Variants in ERC2 observed in about 807,000 individuals in gnomAD.
The protein encoded by ERC2 is ELKS/RAB6-interacting/CAST family member 2.
A neutral mutation model predicts 114.8 loss-of-function variants in ERC2; 42 were observed. The ratio of observed to expected loss-of-function variants is 0.37; its 90% CI spans 0.29 to 0.47. The LOEUF (loss-of-function observed/expected upper bound fraction) is 0.47. Ranked by LOEUF, ERC2 falls within the 20% of genes least tolerant of loss-of-function variation. ERC2 has a pLI of 0.99. For synonymous variants in ERC2, 454 were observed against 425.5 expected, an observed-to-expected ratio of 1.07 and a Z score of -0.82; for missense variants, 939 against 1,150.7, an observed-to-expected ratio of 0.82 and a Z score of 2.66.
chr3:55,634,762 A>G (rs1337829464), intron 17 of ERC2, among the ~76,000 whole-genome samples: 2 of 152,246 alleles, frequency 1.3e-5, no homozygotes, highest in Non-Finnish European at 2.9e-5. Context: ...CATTAAAAGG[A>G]TAACGCAATC....
intron 14 of ERC2, among the ~76,000 whole-genome samples, chr3:55,761,192 C>T (rs2067407120): frequency 6.6e-6 from 1 of 152,202 alleles, no homozygotes; most frequent in Non-Finnish European, 1.5e-5. Context: ...ATTGTTATTA[C>T]TACTGGAGCT....
At chr3:55,511,570 A>G (rs58409049) in intron 17 of ERC2, among the ~76,000 whole-genome samples, 60,105 of 152,154 alleles carry the variant, frequency 0.4, 15,266 homozygotes, top group African/African-American at 0.72. Flanking sequence ...ATTGAAGGGA[A>G]ATATGCCAAA....
At chr3:55,937,505 T>C (rs1199267556) in intron 13 of ERC2, among the ~76,000 whole-genome samples, 1 of 152,138 alleles carries the variant, frequency 6.6e-6, no homozygotes, top group East Asian at 1.9e-4. Context: ...CATGGGTTCC[T>C]AAGGTACTGG....
chr3:55,772,300 G>T lies in ERC2; in HGVS notation c.2565-37382C>A, dbSNP rs111574447. Among the ~76,000 whole-genome samples, 704 of 151,604 alleles carry T rather than the reference G, an allele frequency of 4.6e-3. 5 individuals are homozygous for T. Among genetic ancestry groups the T allele is most frequent in the African/African-American group, 0.016 (664 of 41,384 alleles). Reference sequence around the variant, plus strand: ...TGGGACTGCAGGCATGCACCACCACGCCTGGCTACTTTTTGTATTCTTTTT... The same window carrying T: ...TGGGACTGCAGGCATGCACCACCACTCCTGGCTACTTTTTGTATTCTTTTT... On this transcript the variant is annotated intron_variant, in intron 14 of 17. Coordinates refer to ENST00000288221, the MANE Select transcript of ERC2 (RefSeq NM_015576.3).
chr3:55,704,743 G>A (rs1330299107), intron 15 of ERC2, among the ~76,000 whole-genome samples: 1 of 152,214 alleles, frequency 6.6e-6, no homozygotes, highest in African/African-American at 2.4e-5. Context: ...AGCTATTAAA[G>A]GAATGTGCCG....
At position 55,895,911 on chromosome 3, in the gene ERC2, A is replaced by G. The variant is rs1460455012; in HGVS notation, c.2404-7362T>C. Among the ~76,000 whole-genome samples the G allele has an allele frequency of 3.3e-5, 5 of 152,136 alleles. No homozygotes were observed. The East Asian group carries it at 7.7e-4, about 23-fold the overall frequency. ...GCACCTTCTCTTTGCTATGGGGATG[A>G]GGGGGCTCAGTTACTTGGCTCCTGA... On this transcript the variant is annotated intron_variant, in intron 13 of 17. Transcript: ENST00000288221.
intron 1 of ERC2, among the ~76,000 whole-genome samples, chr3:56,437,954 G>T (rs1205495742): frequency 1.3e-5 from 2 of 152,174 alleles, no homozygotes; most frequent in Admixed American, 6.5e-5. Flanking sequence ...CAGCAAAGAA[G>T]GCTGGAATGA....
At chr3:55,665,340 T>C (rs1386914649) in intron 17 of ERC2, among the ~76,000 whole-genome samples, 1 of 152,212 alleles carries the variant, frequency 6.6e-6, no homozygotes, top group Non-Finnish European at 1.5e-5. Context: ...AATCTTGTTA[T>C]GGATTGAGTT....
chr3:55,671,026 C>T (rs1368366699), intron 17 of ERC2, among the ~76,000 whole-genome samples: 2 of 152,192 alleles, frequency 1.3e-5, no homozygotes, highest in African/African-American at 4.8e-5. Flanking sequence ...TGGCTTTGCA[C>T]TGCTGTTCAC....
intron 17 of ERC2, among the ~76,000 whole-genome samples, chr3:55,573,179 A>C (rs1378828496): frequency 1.3e-5 from 2 of 152,210 alleles, no homozygotes; most frequent in Non-Finnish European, 2.9e-5. Flanking sequence ...GTCGGTAAGA[A>C]ATGGGCTTTG....
intron 2 of ERC2, among the ~76,000 whole-genome samples, chr3:56,376,394 C>T (rs1011758361): frequency 2.0e-5 from 3 of 151,886 alleles, no homozygotes; most frequent in Non-Finnish European, 4.4e-5. Context: ...CAAATGGAAA[C>T]CATCCCTCTC....
At chr3:56,293,888 C>T (rs868104857) in intron 3 of ERC2, among the ~76,000 whole-genome samples, 7 of 152,160 alleles carry the variant, frequency 4.6e-5, no homozygotes, top group African/African-American at 1.7e-4. Flanking sequence ...CTAGTAAGTG[C>T]TATCAATGAG....
intron 6 of ERC2, among the ~76,000 whole-genome samples, chr3:56,118,368 G>C (rs2079368126): frequency 6.6e-6 from 1 of 152,202 alleles, no homozygotes; most frequent in South Asian, 2.1e-4. Context: ...CCATAGGTGA[G>C]CACTAAATGT....
intron 2 of ERC2, among the ~76,000 whole-genome samples, chr3:56,402,914 G>T (rs9862137): frequency 1.8e-4 from 27 of 152,198 alleles, no homozygotes; most frequent in Non-Finnish European, 2.8e-4. Context: ...ATTCTTTGTT[G>T]CAAGGGACTC....
At chr3:55,561,155 T>TAAA (rs34947750) in intron 17 of ERC2, among the ~76,000 whole-genome samples, 23 of 146,048 alleles carry the variant, frequency 1.6e-4, no homozygotes, top group African/African-American at 5.3e-4. Flanking sequence ...TGCTTTTCTT[T>TAAA]AAAAAAAAAA....
intron 14 of ERC2, among the ~76,000 whole-genome samples, chr3:55,772,885 C>G (rs984448274): frequency 1.3e-5 from 2 of 152,210 alleles, no homozygotes; most frequent in African/African-American, 4.8e-5. Context: ...CCTGTACCCA[C>G]ATCCAATCCT....
At chr3:56,338,011 A>G (rs1448309311) in intron 2 of ERC2, among the ~76,000 whole-genome samples, 2 of 152,264 alleles carry the variant, frequency 1.3e-5, no homozygotes, top group Non-Finnish European at 2.9e-5. Context: ...GCCAGACACA[A>G]ATGAATATGA....
intron 5 of ERC2, among the ~76,000 whole-genome samples, chr3:56,141,886 G>T (rs555796282): frequency 2.0e-5 from 3 of 152,212 alleles, no homozygotes; most frequent in Admixed American, 2.0e-4. Context: ...ACTGAGACTG[G>T]TTTATAATTT....
chr3:56,332,097 C>T (rs1288772190), intron 2 of ERC2, among the ~76,000 whole-genome samples: 1 of 152,022 alleles, frequency 6.6e-6, no homozygotes, highest in Non-Finnish European at 1.5e-5. Context: ...GATACACACT[C>T]TGGGCCTAAT....
Sources: gnomAD v4.1 joint callset for allele counts (sites outside exome capture counted in the v4.1 genomes callset) on GRCh38, gnomAD v4.1.1 for gene constraint, MANE v1.5 for transcripts, NCBI Gene and HGNC (gene_info 2026-07-23, HGNC 2026-07-21) for gene names.